Variants in CMSS1 observed in about 807,000 individuals in gnomAD.
CMSS1 encodes cms1 ribosomal small subunit homolog, also known as protein CMSS1.
In CMSS1, 33 loss-of-function variants were observed where a neutral mutation model predicts 43.5. The ratio of observed to expected loss-of-function variants is 0.76; its 90% CI spans 0.57 to 1.01. CMSS1 has a LOEUF of 1.01. CMSS1 is among the 50% of genes least tolerant of loss of function. The probability of loss-of-function intolerance (pLI) is 0.00; values close to 1 mark genes in which losing one functional copy is unlikely to be tolerated. For missense variants in CMSS1, 313 were observed against 326.4 expected (o/e 0.96, Z 0.32); for synonymous variants, 115 against 117.2 (o/e 0.98, Z 0.12).
In CMSS1 at chr3:100,171,710, T is replaced by G. The variant is rs964242849; in HGVS notation, c.519-129T>G. 8.2e-5 allele frequency: 57 copies of G among 694,136 alleles called. 1 individual carries two copies. The African/African-American group carries it at 8.4e-4, about 10-fold the overall frequency. 43.0% of individuals were successfully genotyped at this position (694,136 alleles called of 1,614,324 possible). A position where few individuals can be genotyped will look rare whatever the true frequency, so the allele number is the denominator to read the frequency against. ...TAACCTGCAAATCTCAGAATTTGTA[T>G]GTACATATGCACATATATACACACG... On this transcript the variant is annotated intron_variant, in intron 6 of 9. Coordinates refer to ENST00000421999, the MANE Select transcript of CMSS1 (RefSeq NM_032359.4).
chr3:99,832,011 C>A (rs1225072102), intron 1 of CMSS1, among the ~76,000 whole-genome samples: 3 of 152,196 alleles, frequency 2.0e-5, no homozygotes, highest in African/African-American at 7.2e-5. Context: ...TTGAGCAACA[C>A]TGATACGTGT....
chr3:100,158,455 G>C (rs1437188799), intron 2 of CMSS1, among the ~76,000 whole-genome samples: 1 of 152,176 alleles, frequency 6.6e-6, no homozygotes, highest in African/African-American at 2.4e-5. Context: ...AGGGTAAACA[G>C]CAACATTCAT....
intron 1 of CMSS1, among the ~76,000 whole-genome samples, chr3:99,970,344 T>C (rs1370017957): frequency 1.3e-5 from 2 of 152,228 alleles, no homozygotes; most frequent in African/African-American, 4.8e-5. Flanking sequence ...CTTCAGGCCT[T>C]CTGGTGTGTG....
At chr3:100,015,122 T>C (rs1710303473) in intron 1 of CMSS1, among the ~76,000 whole-genome samples, 1 of 152,000 alleles carries the variant, frequency 6.6e-6, no homozygotes, top group African/African-American at 2.4e-5. Context: ...GATATCCAGT[T>C]TTCCCTGCAC....
rs548473657 is a variant in CMSS1 at position 99,943,582 on chromosome 3, T to A, written c.64+125539T>A. Among the ~76,000 whole-genome samples the A allele has an allele frequency of 8.5e-5, 13 of 152,148 alleles. No homozygotes were observed. The South Asian group carries it at 1.9e-3, about 22-fold the overall frequency. ...AGCCGGGCGTGGTGGCATGCGCCTG[T>A]AGTCCCAGCTACTCGGGAGGCTGAG... On this transcript the variant is annotated intron_variant, in intron 1 of 9. Coordinates refer to ENST00000421999, the MANE Select transcript of CMSS1 (RefSeq NM_032359.4).
At chr3:100,054,777 C>T (rs2065436213) in intron 1 of CMSS1, among the ~76,000 whole-genome samples, 2 of 152,332 alleles carry the variant, frequency 1.3e-5, no homozygotes, top group African/African-American at 2.4e-5. Context: ...ACTTCTATCA[C>T]AATGCCTCTG....
At chr3:99,860,365 T>C (rs1944182316) in intron 1 of CMSS1, among the ~76,000 whole-genome samples, 1 of 152,094 alleles carries the variant, frequency 6.6e-6, no homozygotes, top group South Asian at 2.1e-4. Context: ...ACCCATTAAT[T>C]ATAAGGAGCT....
chr3:99,920,355 C>T (rs562492050), intron 1 of CMSS1, among the ~76,000 whole-genome samples: 1 of 152,028 alleles, frequency 6.6e-6, no homozygotes, highest in Non-Finnish European at 1.5e-5. Context: ...TGGCATTTCA[C>T]TTATGGGAAA....
chr3:100,111,416 GT>G (rs2066489172), intron 1 of CMSS1, among the ~76,000 whole-genome samples: 1 of 152,140 alleles, frequency 6.6e-6, no homozygotes, highest in Admixed American at 6.5e-5. Flanking sequence ...CTAAAACTTA[GT>G]TTATCTATCT....
At chr3:99,994,271 G>A (rs1227763046) in intron 1 of CMSS1, among the ~76,000 whole-genome samples, 7 of 152,144 alleles carry the variant, frequency 4.6e-5, no homozygotes, top group Admixed American at 1.3e-4. Context: ...GAGATAGATG[G>A]CAATACAATA....
At chr3:100,145,774 A>G (rs924711073) in intron 1 of CMSS1, among the ~76,000 whole-genome samples, 3 of 152,234 alleles carry the variant, frequency 2.0e-5, no homozygotes, top group Non-Finnish European at 2.9e-5. Flanking sequence ...AGGATAGGTC[A>G]GTGCTTTTAT....
intron 1 of CMSS1, among the ~76,000 whole-genome samples, chr3:99,897,382 A>G (rs1706292179): frequency 6.6e-6 from 1 of 152,066 alleles, no homozygotes; most frequent in African/African-American, 2.4e-5. Flanking sequence ...AAAAAAAAAA[A>G]GTTGGCTTAC....
chr3:99,860,130 A>AC (rs1944170943), intron 1 of CMSS1, among the ~76,000 whole-genome samples: 2 of 152,330 alleles, frequency 1.3e-5, no homozygotes, highest in Admixed American at 1.3e-4. Context: ...CTTTAGAGAT[A>AC]CCATAAATGG....
At chr3:99,878,265 A>G (rs1224044074) in intron 1 of CMSS1, among the ~76,000 whole-genome samples, 2 of 152,156 alleles carry the variant, frequency 1.3e-5, no homozygotes, top group Non-Finnish European at 2.9e-5. Context: ...GAGCTTTTAG[A>G]TCATACCTAC....
At chr3:100,011,563 A>T (rs756711724) in intron 1 of CMSS1, 3 of 152,228 alleles carry the variant, frequency 2.0e-5, no homozygotes, top group Non-Finnish European at 4.4e-5. Flanking sequence ...GCCTGTTGAG[A>T]TCATGGAATA....
chr3:99,899,378 T>A (rs1193270813), intron 1 of CMSS1, among the ~76,000 whole-genome samples: 2 of 152,202 alleles, frequency 1.3e-5, no homozygotes, highest in South Asian at 4.1e-4. Flanking sequence ...GCATAACTAA[T>A]GCACTAGAGT....
chr3:99,877,810 G>T (rs906010836), intron 1 of CMSS1, among the ~76,000 whole-genome samples: 13 of 152,154 alleles, frequency 8.5e-5, no homozygotes, highest in African/African-American at 2.7e-4. Flanking sequence ...AAAGTTGTAT[G>T]ATGCATAAAC....
At chr3:100,177,376 GC>G (rs1210112972) in intron 9 of CMSS1, among the ~76,000 whole-genome samples, 2 of 152,178 alleles carry the variant, frequency 1.3e-5, no homozygotes, top group Non-Finnish European at 2.9e-5. Context: ...CAGGCATGAG[GC>G]CATAGTTGAT....
At chr3:99,878,402 G>A (rs898131646) in intron 1 of CMSS1, among the ~76,000 whole-genome samples, 1 of 152,144 alleles carries the variant, frequency 6.6e-6, no homozygotes. Flanking sequence ...AGGTCACACC[G>A]CTACTAAAGT....
Sources: allele counts gnomAD v4.1 joint callset (sites outside exome capture counted in the v4.1 genomes callset), GRCh38; gene constraint gnomAD v4.1.1; transcripts MANE v1.5; gene names NCBI Gene and HGNC (gene_info 2026-07-23, HGNC 2026-07-21).